GPHN: variants seen among roughly 807,000 people sequenced by gnomAD.
GPHN encodes the protein gephyrin.
Under a neutral mutation model 95.5 loss-of-function variants are expected in GPHN, and 17 were observed. That is an observed-to-expected ratio of 0.18 (90% confidence interval 0.12 to 0.27). The LOEUF (loss-of-function observed/expected upper bound fraction) is 0.27, where lower values mean the gene tolerates loss of function less well. Ranked by LOEUF, GPHN falls within the 10% of genes least tolerant of loss-of-function variation. The probability of loss-of-function intolerance (pLI) is 1.00; values close to 1 mark genes in which losing one functional copy is unlikely to be tolerated. For synonymous variants in GPHN, 320 were observed against 322.5 expected, an observed-to-expected ratio of 0.99 and a Z score of 0.08; for missense variants, 660 against 978.1, an observed-to-expected ratio of 0.67 and a Z score of 4.34.
At chr14:67,501,412 T>C in the GPHN span, among the ~76,000 whole-genome samples, 3 of 152,200 alleles carry the variant, frequency 2.0e-5, no homozygotes, top group Non-Finnish European at 4.4e-5. Context: ...TTGGCCAGGC[T>C]GGAGTGCAGT....
intron 2 of GPHN, among the ~76,000 whole-genome samples, chr14:66,753,281 G>A (rs1229215888): frequency 1.3e-5 from 2 of 151,968 alleles, no homozygotes; most frequent in Non-Finnish European, 2.9e-5. Context: ...CAGTATTTTG[G>A]TGTCAGGAGA....
At chr14:67,579,492 A>G in the GPHN span, 1 of 667,626 alleles carries the variant, frequency 1.5e-6, no homozygotes, top group Non-Finnish European at 2.5e-6. Context: ...AGGGCCTCCA[A>G]AAGATTGTTG....
chr14:66,746,963 GGA>G (rs1468760225), intron 2 of GPHN, among the ~76,000 whole-genome samples: 8 of 152,138 alleles, frequency 5.3e-5, no homozygotes, highest in Admixed American at 3.3e-4. Context: ...ATGAGGAAGA[GGA>G]GAGGGGGAAA....
intron 4 of GPHN, among the ~76,000 whole-genome samples, chr14:66,842,481 G>A (rs2153508717): frequency 6.6e-6 from 1 of 152,292 alleles, no homozygotes; most frequent in South Asian, 2.1e-4. Flanking sequence ...AAGTGTGAAA[G>A]GGGAGGTTGT....
chr14:66,737,887 G>A (rs1474363605), intron 2 of GPHN, among the ~76,000 whole-genome samples: 1 of 152,144 alleles, frequency 6.6e-6, no homozygotes, highest in Non-Finnish European at 1.5e-5. Flanking sequence ...ACAAAAAAAA[G>A]CAATTCATTA....
chr14:67,713,287 C>A, the GPHN span, among the ~76,000 whole-genome samples: 13 of 148,966 alleles, frequency 8.7e-5, no homozygotes, highest in African/African-American at 2.2e-4. Context: ...CAAAAAAAAA[C>A]CTCATTTTCC....
chr14:66,924,424 A>T (rs1375346531), intron 8 of GPHN, 132 bp downstream of exon 8: 1 of 698,876 alleles, frequency 1.4e-6, no homozygotes, highest in Non-Finnish European at 2.6e-6. Context: ...TTTCTTGTGA[A>T]AGTGTGAGTG....
At chr14:67,180,014 C>T (rs747556661) in intron 22 of GPHN, among the ~76,000 whole-genome samples, 2 of 152,152 alleles carry the variant, frequency 1.3e-5, no homozygotes, top group Middle Eastern at 3.2e-3. Context: ...GGAGGAGATT[C>T]TAGCTATACC....
intron 5 of GPHN, among the ~76,000 whole-genome samples, chr14:66,900,647 C>T (rs1326356761): frequency 6.6e-6 from 1 of 151,848 alleles, no homozygotes; most frequent in Non-Finnish European, 1.5e-5. Context: ...CGACATTCTT[C>T]CTTCTGTGCT....
intron 1 of GPHN, among the ~76,000 whole-genome samples, chr14:66,609,908 C>A (rs374440122): frequency 1.1e-3 from 174 of 152,268 alleles, no homozygotes; most frequent in African/African-American, 3.9e-3. Flanking sequence ...TCCTTGTTAT[C>A]TAGATTCTGA....
the GPHN span, among the ~76,000 whole-genome samples, chr14:67,286,855 C>CAA: frequency 8.8e-3 from 590 of 67,022 alleles, 11 homozygotes; most frequent in African/African-American, 0.023. Flanking sequence ...GACCTGGTCT[C>CAA]AAAAAAAAAA....
intron 11 of GPHN, among the ~76,000 whole-genome samples, chr14:67,076,971 C>T (rs1371419621): frequency 6.6e-6 from 1 of 152,148 alleles, no homozygotes; most frequent in African/African-American, 2.4e-5. Flanking sequence ...GAGCTAACTA[C>T]ACAGGGAACT....
At chr14:66,856,741 C>T (rs1428805555) in intron 4 of GPHN, among the ~76,000 whole-genome samples, 3 of 152,054 alleles carry the variant, frequency 2.0e-5, no homozygotes, top group South Asian at 2.1e-4. Flanking sequence ...GATACAGCAT[C>T]AAGTTTTTTC....
At chr14:67,583,774 C>T in the GPHN span, 3,246 of 1,612,086 alleles carry the variant, frequency 2.0e-3, 42 homozygotes, top group African/African-American at 0.031. Flanking sequence ...GCCTGCCCTG[C>T]CAGGCCCTGG....
intron 11 of GPHN, among the ~76,000 whole-genome samples, chr14:67,073,587 G>A (rs950787395): frequency 6.6e-6 from 1 of 152,124 alleles, no homozygotes; most frequent in Non-Finnish European, 1.5e-5. Context: ...GATGGAAGTT[G>A]TAGTGATAAA....
chr14:67,365,463 T>C, the GPHN span, among the ~76,000 whole-genome samples: 1 of 152,242 alleles, frequency 6.6e-6, no homozygotes, highest in Non-Finnish European at 1.5e-5. Context: ...AGCAATATAC[T>C]ATGCGTGTAT....
At position 66,916,084 on chromosome 14, in the gene GPHN, C is replaced by T. The variant is rs1470478473; in HGVS notation, c.456+15C>T. Reference sequence around the variant, plus strand: ...AAGGATCTCAGGTAAATCACCTGGACATATTAATGGTTTAGTGTAAGAGCT... The same window carrying T: ...AAGGATCTCAGGTAAATCACCTGGATATATTAATGGTTTAGTGTAAGAGCT... On this transcript the variant is annotated intron_variant, in intron 6 of 22. Coordinates refer to ENST00000478722, the MANE Select transcript of GPHN (RefSeq NM_020806.5). The T allele has an allele frequency of 6.6e-7, 1 of 1,517,170 alleles. No individual in the cohort carries two copies. The highest frequency in any genetic ancestry group is 1.4e-5 in the African/African-American group (1 of 73,250). The allele number at this position is 1,517,170 out of a possible 1,614,324, so 94.0% of individuals were successfully genotyped here. A position where few individuals can be genotyped will look rare whatever the true frequency, so the allele number is the denominator to read the frequency against.
Position 67,181,172 on chromosome 14 carries a change from C to A in GPHN, c.*235C>A, listed in dbSNP as rs1234935659. 10 of 561,398 alleles carry A rather than the reference C, an allele frequency of 1.8e-5. No homozygotes were observed. Among genetic ancestry groups the A allele is most frequent in the African/African-American group, 1.5e-4 (8 of 53,258 alleles). 34.8% of individuals were successfully genotyped at this position (561,398 alleles called of 1,614,324 possible). A position where few individuals can be genotyped will look rare whatever the true frequency, so the allele number is the denominator to read the frequency against. ...ATCAAGGCAAATTTTTCCTTTCTTG[C>A]AAATTGCTTTGTGTGTTCAATGCTA... On this transcript the variant is annotated 3_prime_UTR_variant, in exon 23 of 23. Transcript: ENST00000478722.
chr14:66,718,347 G>A (rs764304028), intron 2 of GPHN, among the ~76,000 whole-genome samples: 4 of 152,000 alleles, frequency 2.6e-5, no homozygotes, highest in South Asian at 2.1e-4. Flanking sequence ...TGGCACGTCC[G>A]GAGTTGTTTG....
Sources: allele counts gnomAD v4.1 joint callset (sites outside exome capture counted in the v4.1 genomes callset), GRCh38; gene constraint gnomAD v4.1.1; transcripts MANE v1.5; gene names NCBI Gene and HGNC (gene_info 2026-07-23, HGNC 2026-07-21).